ITPR2: variants seen among roughly 807,000 people sequenced by gnomAD.
The protein encoded by ITPR2 is inositol 1,4,5-trisphosphate-gated calcium channel ITPR2.
ITPR2 carries 207 observed loss-of-function variants against 317.1 expected under a neutral mutation model. The ratio of observed to expected loss-of-function variants is 0.65; its 90% confidence interval spans 0.58 to 0.73. The LOEUF (loss-of-function observed/expected upper bound fraction) is 0.73, where lower values mean the gene tolerates loss of function less well. Among genes scored for constraint, ITPR2 ranks in the 30% least tolerant of loss-of-function variants. The pLI is 0.00. For missense variants in ITPR2, 2,613 were observed against 3,284.0 expected (o/e 0.80, Z 4.99); for synonymous variants, 1,156 against 1,149.1 (o/e 1.01, Z -0.12).
chr12:26,618,194 T>C (rs1273077438), intron 26 of ITPR2, among the ~76,000 whole-genome samples: 1 of 152,128 alleles, frequency 6.6e-6, no homozygotes, highest in East Asian at 1.9e-4. Context: ...AAGACAGGGA[T>C]GCCCATTATT....
Position 26,628,260 on chromosome 12 carries a change from T to C in ITPR2, c.2935-98A>G, listed in dbSNP as rs557818382. 3.2e-5 allele frequency: 28 copies of C among 880,442 alleles called. 1 individual carries two copies. In the South Asian group the frequency reaches 3.5e-4, roughly 11 times the overall value. 54.5% of individuals were successfully genotyped at this position (880,442 alleles called of 1,614,324 possible). On this transcript the variant is annotated intron_variant, in intron 22 of 56. Coordinates refer to ENST00000381340, the MANE Select transcript of ITPR2 (RefSeq NM_002223.4). The stretch of plus-strand genomic sequence containing the variant: ...CCAATAACAGTGGAAGTACCAACCT[T>C]TCAAAGGAACTAGTTAGAAGCTTTT...
In ITPR2 at chr12:26,832,830, G is replaced by T; in HGVS notation, c.-49C>A. 7.0e-7 allele frequency: 1 copy of T among 1,432,644 alleles called. No homozygotes were observed. Among genetic ancestry groups the T allele is most frequent in the Non-Finnish European group, 9.7e-7 (1 of 1,026,318 alleles). 88.7% of individuals were successfully genotyped at this position (1,432,644 alleles called of 1,614,324 possible). On this transcript the variant is annotated 5_prime_UTR_variant, in exon 1 of 57. Transcript: ENST00000381340. ...CGTCCCTCTTCTTCCCTGCGCCCTC[G>T]CCGCCCTCTCTCCAGGGAGCCGCCG...
intron 1 of ITPR2, among the ~76,000 whole-genome samples, chr12:26,820,358 T>C (rs573647346): frequency 6.6e-6 from 1 of 152,320 alleles, no homozygotes; most frequent in East Asian, 1.9e-4. Context: ...TATATGGTAA[T>C]GCAACAAATA....
intron 16 of ITPR2, among the ~76,000 whole-genome samples, chr12:26,658,489 T>G (rs1947424021): frequency 6.6e-6 from 1 of 152,194 alleles, no homozygotes; most frequent in African/African-American, 2.4e-5. Context: ...AATGCTGTAC[T>G]GAACAAAAGA....
intron 2 of ITPR2, among the ~76,000 whole-genome samples, chr12:26,764,402 T>C (rs150311478): frequency 3.3e-5 from 5 of 152,062 alleles, no homozygotes; most frequent in East Asian, 1.9e-4. Flanking sequence ...ACAGTGTCAA[T>C]AGAATGACAA....
Position 26,831,647 on chromosome 12 carries a change from A to G in ITPR2, c.92+1043T>C, listed in dbSNP as rs1484963204. Among the ~76,000 whole-genome samples the G allele has an allele frequency of 7.0e-6, 1 of 143,076 alleles. No homozygotes were observed. Among genetic ancestry groups the G allele is most frequent in the East Asian group, 2.0e-4 (1 of 4,986 alleles). 93.9% of individuals were successfully genotyped at this position (143,076 alleles called of 152,430 possible). On this transcript the variant is annotated intron_variant, in intron 1 of 56. Transcript: ENST00000381340. The surrounding 1 kb of genome is among the most constrained non-coding windows in gnomAD (Gnocchi z 4.9). ...AGAACAGAGAAAACAAGGAAGTCCT[A>G]TTTAACCATTTGGCACACTGTTTTA...
intron 26 of ITPR2, among the ~76,000 whole-genome samples, chr12:26,612,723 A>G (rs993723935): frequency 6.6e-6 from 1 of 152,156 alleles, no homozygotes; most frequent in East Asian, 1.9e-4. Flanking sequence ...GGGTGTCCCA[A>G]CCCAGCCTCT....
At chr12:26,624,535 T>G (rs1045535806) in intron 23 of ITPR2, among the ~76,000 whole-genome samples, 179 bp from the exon 24 acceptor site, 2 of 152,110 alleles carry the variant, frequency 1.3e-5, no homozygotes, top group Non-Finnish European at 2.9e-5. Context: ...AGACATTTCT[T>G]AAAAGAAAAC....
chr12:26,787,768 G>A (rs564857077), intron 2 of ITPR2, among the ~76,000 whole-genome samples: 1 of 152,094 alleles, frequency 6.6e-6, no homozygotes, highest in South Asian at 2.1e-4. Context: ...TATTTTGGGG[G>A]ATACAGACTA....
At chr12:26,357,082 T>C (rs1938665029) in intron 55 of ITPR2, among the ~76,000 whole-genome samples, 1 of 152,074 alleles carries the variant, frequency 6.6e-6, no homozygotes, top group Admixed American at 6.6e-5. Context: ...TTTTTATTCA[T>C]GGGCTGCCAG....
At position 26,682,637 on chromosome 12, in the gene ITPR2, G is replaced by A; in HGVS notation, c.1185C>T (p.Asn395=). Residue 395 remains asparagine (N), a synonymous_variant, in exon 12 of 57, where the codon AAC becomes AAT. Transcript: ENST00000381340. ...GGATACTAGTACTGGTTACCCATGT[G>A]TTGGTGCATAAATGCCTTAACCGAA... ...SYVRLRHLCT[N]TWVTSTSIPI... The A allele has an allele frequency of 1.9e-6, 3 of 1,612,976 alleles. No individual in the cohort carries two copies. In the South Asian group the frequency reaches 3.3e-5, roughly 18 times the overall value.
intron 45 of ITPR2, among the ~76,000 whole-genome samples, chr12:26,463,983 A>G (rs992000420): frequency 2.0e-5 from 3 of 152,134 alleles, no homozygotes; most frequent in African/African-American, 7.2e-5. Flanking sequence ...TTCTCGGTTT[A>G]TCTAAATCTT....
intron 55 of ITPR2, 56 bp downstream of exon 55, chr12:26,387,378 G>T: frequency 6.6e-7 from 1 of 1,522,196 alleles, no homozygotes; most frequent in Non-Finnish European, 9.0e-7. Context: ...GGGTAGAGAA[G>T]ATGAAAGCCT....
At chr12:26,545,035 C>A (rs763068066) in intron 37 of ITPR2, among the ~76,000 whole-genome samples, 1 of 152,114 alleles carries the variant, frequency 6.6e-6, no homozygotes, top group Non-Finnish European at 1.5e-5. Flanking sequence ...TATTCATTTG[C>A]ATTTAAATTG....
intron 2 of ITPR2, among the ~76,000 whole-genome samples, chr12:26,749,331 G>A (rs938164035): frequency 8.5e-5 from 13 of 152,196 alleles, no homozygotes; most frequent in African/African-American, 3.1e-4. Context: ...ATTCTATAAT[G>A]TAAAATGTCA....
At position 26,440,121 on chromosome 12, in the gene ITPR2, C is replaced by T. The variant is rs563550529; in HGVS notation, c.6451-802G>A. 3.9e-5 allele frequency among the ~76,000 whole-genome samples: 6 copies of T among 152,182 alleles called. No homozygotes were observed. The South Asian group carries it at 8.3e-4, about 21-fold the overall frequency. On this transcript the variant is annotated intron_variant, in intron 46 of 56. Transcript: ENST00000381340. Reference sequence around the variant, plus strand: ...GGTGTGGTGGTGGTCATGGACTGTACCTCTGGAAAGTGAGGCATAAAGAGA... The same window carrying T: ...GGTGTGGTGGTGGTCATGGACTGTATCTCTGGAAAGTGAGGCATAAAGAGA...
Position 26,793,036 on chromosome 12 carries a change from C to T in ITPR2, c.93-2809G>A, listed in dbSNP as rs77767877. ...ATGCAACCTACAATTTTAGTAGCTC[C>T]TGTGGCAGTTAAGGTTCCCCTCTGA... On this transcript the variant is annotated intron_variant, in intron 1 of 56. Coordinates refer to ENST00000381340, the MANE Select transcript of ITPR2 (RefSeq NM_002223.4). Among the ~76,000 whole-genome samples, 782 of 152,346 alleles carry T rather than the reference C, an allele frequency of 5.1e-3. 8 individuals carry two copies. Among genetic ancestry groups the T allele is most frequent in the African/African-American group, 0.018 (744 of 41,578 alleles).
At chr12:26,488,632 C>T (rs1227944955) in intron 39 of ITPR2, among the ~76,000 whole-genome samples, 1 of 152,184 alleles carries the variant, frequency 6.6e-6, no homozygotes, top group Non-Finnish European at 1.5e-5. Context: ...CACAGTAAAA[C>T]AGTCAAGCTG....
chr12:26,832,964 GC>G lies in ITPR2; in HGVS notation c.-184del. 1.8e-6 allele frequency: 1 copy of G among 550,590 alleles called. No individual in the cohort carries two copies. Among genetic ancestry groups the G allele is most frequent in the Non-Finnish European group, 3.1e-6 (1 of 320,598 alleles). 34.1% of individuals were successfully genotyped at this position (550,590 alleles called of 1,614,324 possible). ...TCAGCCGTGCGTGCGCGCCGGGGAA[GC>G]CAGACCGGGGCCAAGCCGCAGCTGC... On this transcript the variant is annotated 5_prime_UTR_variant, in exon 1 of 57. Transcript: ENST00000381340.
Sources: gnomAD v4.1 joint callset for allele counts (sites outside exome capture counted in the v4.1 genomes callset) on GRCh38, gnomAD v4.1.1 for gene constraint, Gnocchi (gnomAD v3.1) non-coding constraint, MANE v1.5 for transcripts, NCBI Gene and HGNC (gene_info 2026-07-23, HGNC 2026-07-21) for gene names.